Variants in CCDC33 observed in about 807,000 individuals in gnomAD.
CCDC33 encodes the protein coiled-coil domain-containing protein 33.
Under a neutral mutation model 91.9 loss-of-function variants are expected in CCDC33, and 94 were observed. The observed-to-expected ratio is 1.02, with a 90% CI of 0.87 to 1.21. The LOEUF (loss-of-function observed/expected upper bound fraction) is 1.21. Among genes scored for constraint, CCDC33 ranks in the 50% most tolerant of loss-of-function variants. The probability of loss-of-function intolerance (pLI) is 0.00; values close to 1 mark genes in which losing one functional copy is unlikely to be tolerated. For synonymous variants in CCDC33, 396 were observed against 374.5 expected (o/e 1.06, Z -0.66); for missense variants, 940 against 935.5 (o/e 1.00, Z -0.06).
At chr15:74,331,167 C>A (rs767104359) in intron 14 of CCDC33, 36 bp from the exon 15 acceptor site, 1 of 1,613,866 alleles carries the variant, frequency 6.2e-7, no homozygotes, top group South Asian at 1.1e-5. Context: ...GAGTAGGGAG[C>A]CCCTGGGCCA....
At chr15:74,253,336 C>T (rs757349718) in intron 2 of CCDC33, among the ~76,000 whole-genome samples, 6 of 152,302 alleles carry the variant, frequency 3.9e-5, no homozygotes, top group Non-Finnish European at 5.9e-5. Flanking sequence ...GCCTGGCCCC[C>T]GTGGGTCCCA....
chr15:74,207,608 A>G (rs1240121812), intron 1 of CCDC33: 1 of 1,264,428 alleles, frequency 7.9e-7, no homozygotes, highest in Non-Finnish European at 1.1e-6. Context: ...ACAATACTCA[A>G]ACCTCAGGTA....
rs76528848 is a variant in CCDC33 at position 74,207,712 on chromosome 15, C to T, written n.90-1676C>T. On this transcript the variant is annotated intron_variant and non_coding_transcript_variant, in intron 1 of 3. Transcript: ENST00000558645. ...CTGTGCCCACCTGTGCAGCCCAGTCCCCTTGAGAGTCCATGAATAAGCAGC... is the reference window on the plus strand; with the variant it reads ...CTGTGCCCACCTGTGCAGCCCAGTCTCCTTGAGAGTCCATGAATAAGCAGC... The T allele has an allele frequency of 1.7e-3, 2,584 of 1,535,694 alleles. 70 individuals are homozygous for T. The East Asian group carries it at 0.053, about 31-fold the overall frequency.
chr15:74,252,539 G>A (rs1480424495), intron 2 of CCDC33, among the ~76,000 whole-genome samples: 1 of 152,248 alleles, frequency 6.6e-6, no homozygotes, highest in Non-Finnish European at 1.5e-5. Context: ...TGCAGTCCTG[G>A]AAGCAGGCTG....
chr15:74,238,589 T>TC (rs1427746356), intron 1 of CCDC33, among the ~76,000 whole-genome samples: 1 of 152,216 alleles, frequency 6.6e-6, no homozygotes, highest in Non-Finnish European at 1.5e-5. Flanking sequence ...CTCCTTTTTT[T>TC]CTTTTCTTTG....
chr15:74,219,680 G>A (rs552912476), intron 2 of CCDC33, among the ~76,000 whole-genome samples: 16 of 152,270 alleles, frequency 1.1e-4, no homozygotes, highest in African/African-American at 3.6e-4. Flanking sequence ...GGGTTTATTT[G>A]AGGTGAATCT....
chr15:74,209,361 C>G, intron 1 of CCDC33: 1 of 1,535,186 alleles, frequency 6.5e-7, no homozygotes, highest in Non-Finnish European at 8.7e-7. Flanking sequence ...CTACTTACCT[C>G]CATTTGTCCC....
rs1370022734 is a variant in CCDC33 at position 74,327,252 on chromosome 15, C to T, written c.1291-2937C>T. Among the ~76,000 whole-genome samples, 4 of 152,126 alleles carry T rather than the reference C, an allele frequency of 2.6e-5. No individual in the cohort carries two copies. In the South Asian group the frequency reaches 8.3e-4, roughly 32 times the overall value. ...AGGGACCGTCTGACTGAGACAGGGACGCGGCCTCACCAGAAGCCATGCTCT... is the reference window on the plus strand; with the variant it reads ...AGGGACCGTCTGACTGAGACAGGGATGCGGCCTCACCAGAAGCCATGCTCT... On this transcript the variant is annotated intron_variant, in intron 11 of 18. Coordinates refer to ENST00000398814, the MANE Select transcript of CCDC33 (RefSeq NM_025055.5).
Position 74,244,286 on chromosome 15 carries a change from C to A in CCDC33, c.185+138C>A. On this transcript the variant is annotated intron_variant, in intron 2 of 18. Transcript: ENST00000398814. The surrounding 1 kb of genome is among the most constrained non-coding windows in gnomAD (Gnocchi z 4.2). ...CCCAGAGGGGAGGAGCTGCTGTGGGCACTACCTGGCATCTCCGCTGCTGCA... is the reference window on the plus strand; with the variant it reads ...CCCAGAGGGGAGGAGCTGCTGTGGGAACTACCTGGCATCTCCGCTGCTGCA... 1 of 1,104,686 alleles carries A rather than the reference C, an allele frequency of 9.1e-7. No homozygotes were observed. The highest frequency in any genetic ancestry group is 1.2e-6 in the Non-Finnish European group (1 of 800,184). The allele number at this position is 1,104,686 out of a possible 1,614,324, so 68.4% of individuals were successfully genotyped here.
At chr15:74,333,263 A>G in intron 16 of CCDC33, 1 of 1,603,470 alleles carries the variant, frequency 6.2e-7, no homozygotes, top group Non-Finnish European at 8.5e-7. Flanking sequence ...CTTGACAGAG[A>G]GGCTACAAGA....
chr15:74,314,547 G>A (rs953527367), intron 11 of CCDC33, among the ~76,000 whole-genome samples: 3 of 152,112 alleles, frequency 2.0e-5, no homozygotes, highest in African/African-American at 7.2e-5. Context: ...CACAGAGCAG[G>A]GGGCTTTAAC....
chr15:74,306,071 A>C (rs1200253839), intron 11 of CCDC33, among the ~76,000 whole-genome samples: 2 of 152,162 alleles, frequency 1.3e-5, no homozygotes, highest in African/African-American at 4.8e-5. Flanking sequence ...CTCGAGACTG[A>C]GGGGGATGAC....
At position 74,218,425 on chromosome 15, in the gene CCDC33, C is replaced by G; in HGVS notation, c.311-72C>G. On this transcript the variant is annotated intron_variant, in intron 1 of 2. Transcript: ENST00000635913. The surrounding 1 kb of genome is among the most constrained non-coding windows in gnomAD (Gnocchi z 4.8). ...AGCCCAGGTTTCCCCAGGGCCCTGC[C>G]TGTCCTCCTAGTCACCTGGCAGATG... is the stretch of plus-strand genomic sequence containing the variant. 1 of 1,221,030 alleles carries G rather than the reference C, an allele frequency of 8.2e-7. No individual in the cohort carries two copies. Among genetic ancestry groups the G allele is most frequent in the South Asian group, 1.4e-5 (1 of 69,308 alleles). 75.6% of individuals were successfully genotyped at this position (1,221,030 alleles called of 1,614,324 possible).
intron 11 of CCDC33, among the ~76,000 whole-genome samples, chr15:74,312,582 T>C (rs950639275): frequency 7.2e-5 from 11 of 152,002 alleles, no homozygotes; most frequent in African/African-American, 2.4e-4. Flanking sequence ...ACAGCGCCTA[T>C]GTACACAGGC....
At chr15:74,211,153 GCACACACACA>G (rs71137380) in intron 2 of CCDC33, among the ~76,000 whole-genome samples, 51 of 148,792 alleles carry the variant, frequency 3.4e-4, no homozygotes, top group Non-Finnish European at 4.6e-4. Context: ...GCACGCACAC[GCACACACACA>G]CACACACACA....
At chr15:74,242,949 C>T (rs2075394860) in intron 1 of CCDC33, among the ~76,000 whole-genome samples, 1 of 152,196 alleles carries the variant, frequency 6.6e-6, no homozygotes, top group African/African-American at 2.4e-5. Context: ...GACTCCACTC[C>T]TGCACCTTCT....
chr15:74,279,029 C>T (rs1415755916), intron 7 of CCDC33, among the ~76,000 whole-genome samples: 2 of 152,332 alleles, frequency 1.3e-5, no homozygotes, highest in African/African-American at 4.8e-5. Context: ...AACTTGGCAT[C>T]TGTGACACCA....
chr15:74,333,239 G>A (rs1380749582), intron 16 of CCDC33: 1 of 1,598,346 alleles, frequency 6.3e-7, no homozygotes, highest in Non-Finnish European at 8.5e-7. Context: ...CGGGGAGTTG[G>A]GAGCAGGAGG....
intron 11 of CCDC33, chr15:74,319,693 G>A (rs1316324481): frequency 6.6e-6 from 1 of 152,468 alleles, no homozygotes; most frequent in Non-Finnish European, 1.5e-5. Context: ...AAAAGCCTAG[G>A]AGGGGAAGTA....
Sources: allele counts gnomAD v4.1 joint callset (sites outside exome capture counted in the v4.1 genomes callset), GRCh38; gene constraint gnomAD v4.1.1; non-coding constraint Gnocchi (gnomAD v3.1); transcripts MANE v1.5; gene names NCBI Gene and HGNC (gene_info 2026-07-23, HGNC 2026-07-21).